The following NPHP3 variants were observed in gnomAD, a reference collection of about 807,000 sequenced individuals.
NPHP3 encodes nephrocystin 3.
In NPHP3, 123 loss-of-function variants were observed where a neutral mutation model predicts 171.9. That is an observed-to-expected ratio of 0.72 (90% CI 0.62 to 0.83). The LOEUF is 0.83. Ranked by LOEUF, NPHP3 falls within the 40% of genes least tolerant of loss-of-function variation. The pLI is 0.00. For synonymous variants in NPHP3, 558 were observed against 579.2 expected (o/e 0.96, Z 0.52); for missense variants, 1,506 against 1,591.9 (o/e 0.95, Z 0.92).
rs1341706285 is a variant in NPHP3, at chr3:132,705,787, C to T, written c.1303G>A (p.Glu435Lys). The change falls in exon 8 of 27, where the codon GAA becomes AAA. Residue 435 changes from glutamate to lysine, a missense_variant. Coordinates refer to ENST00000337331, the MANE Select transcript of NPHP3 (RefSeq NM_153240.5). ...CAAATATAAGTTTTATATACTCCTT[C>T]TGCAGGATCTCCTGAGTGATCAATG... ...KIIDHSGDPA[E>K]GVYKTYICVE... The T allele has an allele frequency of 6.6e-7, 1 of 1,511,276 alleles. No individual in the cohort carries two copies. The highest frequency in any genetic ancestry group is 1.1e-5 in the South Asian group (1 of 88,462). 93.6% of individuals were successfully genotyped at this position (1,511,276 alleles called of 1,614,324 possible).
intron 3 of NPHP3, 117 bp from the exon 4 acceptor site, chr3:132,717,026 C>T (rs987835420): frequency 6.7e-5 from 77 of 1,150,492 alleles, no homozygotes; most frequent in Non-Finnish European, 8.5e-5. Flanking sequence ...TACAAATATT[C>T]AAATGATTTT....
intron 21 of NPHP3, 114 bp downstream of exon 21, chr3:132,688,536 T>G: frequency 1.8e-6 from 2 of 1,124,112 alleles, no homozygotes; most frequent in South Asian, 1.2e-5. Context: ...ACATGAAGAC[T>G]AGGCACAGGG....
At chr3:132,710,346 T>TAA (rs78357959) in intron 6 of NPHP3, among the ~76,000 whole-genome samples, 3,531 of 127,502 alleles carry the variant, frequency 0.028, 139 homozygotes, top group African/African-American at 0.093. Flanking sequence ...GGTGATCTGG[T>TAA]AAAAAAAAAA....
chr3:132,722,152 C>T lies in NPHP3; in HGVS notation c.204G>A (p.Gly68=). ...TGGACTTGAAGCTGGCCCCCAGCAG[C>T]CCGCCCGCGCCCACCCCGCGGGGCA... ...GSLPRGVGAG[G]LLGASFKSTG... is the part of the protein sequence containing the mutation. Residue 68 remains glycine (G), a synonymous_variant, in exon 1 of 27, where the codon GGG becomes GGA. Coordinates refer to ENST00000337331, the MANE Select transcript of NPHP3 (RefSeq NM_153240.5). The T allele has an allele frequency of 1.9e-6, 3 of 1,585,358 alleles. No individual in the cohort carries two copies. Among genetic ancestry groups the T allele is most frequent in the Admixed American group, 1.7e-5 (1 of 58,172 alleles).
chr3:132,704,725 G>A (rs1316722247), intron 8 of NPHP3, among the ~76,000 whole-genome samples: 1 of 152,102 alleles, frequency 6.6e-6, no homozygotes, highest in East Asian at 1.9e-4. Flanking sequence ...TATGCTATAA[G>A]AATTGAATTA....
At position 132,682,797 on chromosome 3, in the gene NPHP3, G is replaced by A. The variant is rs749884297; in HGVS notation, c.3718C>T (p.Pro1240Ser). ...ATCTTTAATGCTCTTTCATATAATGGCAAAGCTTCAACGTGTTTTTTCTTA... is the reference window on the plus strand; with the variant it reads ...ATCTTTAATGCTCTTTCATATAATGACAAAGCTTCAACGTGTTTTTTCTTA... The part of the protein sequence containing the change: ...SQMKKHVEAL[P>S]LYERALKIYE... The change falls in exon 26 of 27, where the codon CCA (proline) becomes TCA (serine). Residue 1240 changes from proline (P) to serine (S), a missense_variant. By Grantham distance (74) the Pro-to-Ser change is moderately conservative. Coordinates refer to ENST00000337331, the MANE Select transcript of NPHP3 (RefSeq NM_153240.5). 6.2e-7 allele frequency: 1 copy of A among 1,610,052 alleles called. No homozygotes were observed. The highest frequency in any genetic ancestry group is 1.3e-5 in the African/African-American group (1 of 74,886).
intron 16 of NPHP3, 147 bp from the exon 17 acceptor site, chr3:132,692,965 T>C: frequency 1.4e-6 from 1 of 695,548 alleles, no homozygotes; most frequent in Non-Finnish European, 2.5e-6. Flanking sequence ...AACAGATTTA[T>C]TAAAACACAC....
intron 5 of NPHP3, 35 bp from the exon 6 acceptor site, chr3:132,713,321 T>C: frequency 2.1e-6 from 3 of 1,450,342 alleles, no homozygotes; most frequent in Non-Finnish European, 2.9e-6. Context: ...AAGTTTAATG[T>C]ATTTAACTAA....
chr3:132,684,837 A>G (rs1433469033), intron 23 of NPHP3, 43 bp from the exon 24 acceptor site: 1 of 1,604,774 alleles, frequency 6.2e-7, no homozygotes, highest in Non-Finnish European at 8.5e-7. Context: ...TCTATTTTCT[A>G]GAGTTTGGAA....
At chr3:132,692,108 A>C (rs1435796090) in intron 17 of NPHP3, among the ~76,000 whole-genome samples, 1 of 152,210 alleles carries the variant, frequency 6.6e-6, no homozygotes, top group Non-Finnish European at 1.5e-5. Flanking sequence ...ACAAATACTT[A>C]CAGTTACACA....
At chr3:132,686,095 C>A in intron 23 of NPHP3, 165 bp downstream of exon 23, 1 of 645,224 alleles carries the variant, frequency 1.5e-6, no homozygotes, top group Non-Finnish European at 2.7e-6. Flanking sequence ...GAGAAAATGC[C>A]ATGGTCTTTA....
chr3:132,701,816 A>G (rs1034189509), intron 9 of NPHP3, among the ~76,000 whole-genome samples: 1 of 152,142 alleles, frequency 6.6e-6, no homozygotes, highest in Non-Finnish European at 1.5e-5. Flanking sequence ...AGGTCAGGAG[A>G]TCGAGAACAT....
At chr3:132,686,466 A>G in intron 22 of NPHP3, 79 bp from the exon 23 acceptor site, 9 of 1,563,952 alleles carry the variant, frequency 5.8e-6, no homozygotes, top group Non-Finnish European at 7.9e-6. Flanking sequence ...TGAGGGTCCT[A>G]AAAAATCTTC....
Position 132,684,644 on chromosome 3 carries a change from T to C in NPHP3, c.3480A>G (p.Arg1160=), listed in dbSNP as rs1393705320. The C allele has an allele frequency of 6.2e-7, 1 of 1,613,962 alleles. No individual in the cohort carries two copies. Among genetic ancestry groups the C allele is most frequent in the African/African-American group, 1.3e-5 (1 of 74,916 alleles). ...QYDKAEELYE[R]ALDIRRRALA... is the part of the protein sequence containing the mutation. ...ATGCACGTCTCCGAATATCTAAAGCTCTTTCATAAAGTTCTTCTGCTTTAT... is the reference window on the plus strand; with the variant it reads ...ATGCACGTCTCCGAATATCTAAAGCCCTTTCATAAAGTTCTTCTGCTTTAT... The change falls in exon 24 of 27, where the codon AGA becomes AGG. Residue 1160 remains arginine, a synonymous_variant. Coordinates refer to ENST00000337331, the MANE Select transcript of NPHP3 (RefSeq NM_153240.5).
At chr3:132,693,042 C>A (rs1560004341) in intron 16 of NPHP3, 6 of 508,100 alleles carry the variant, frequency 1.2e-5, no homozygotes, top group African/African-American at 1.9e-5. Flanking sequence ...AAAGATAACA[C>A]TCTTACAGAA....
At chr3:132,717,054 G>T in intron 3 of NPHP3, 145 bp from the exon 4 acceptor site, 1 of 865,154 alleles carries the variant, frequency 1.2e-6, no homozygotes, top group Non-Finnish European at 1.8e-6. Context: ...CTTTGCCATC[G>T]ACTTTTGGCA....
intron 3 of NPHP3, among the ~76,000 whole-genome samples, chr3:132,718,667 G>C (rs575245658): frequency 6.6e-6 from 1 of 152,350 alleles, no homozygotes; most frequent in East Asian, 1.9e-4. Flanking sequence ...AAAGGAACGT[G>C]TTCTCCCCTT....
At chr3:132,693,641 A>T (rs1041759949) in intron 16 of NPHP3, 5 of 152,410 alleles carry the variant, frequency 3.3e-5, no homozygotes, top group African/African-American at 1.2e-4. Context: ...TGGGAGGCCA[A>T]AGTGGGCAGA....
At position 132,689,101 on chromosome 3, in the gene NPHP3, A is replaced by T; in HGVS notation, c.2856T>A (p.Phe952Leu). Residue 952 changes from phenylalanine to leucine, a missense_variant, in exon 20 of 27, where the codon TTT (phenylalanine) becomes TTA (leucine). Around this residue, in one of 3 missense-constraint regions of NPHP3, gnomAD observed 569 missense variants for 648.1 expected, o/e 0.88. Coordinates refer to ENST00000337331, the MANE Select transcript of NPHP3 (RefSeq NM_153240.5). ...GACTGAGAAGGCCTAGATCCTTGAG[A>T]AATCGCCCCAAGGTTTCATAAAGAT... is the stretch of plus-strand genomic sequence containing the variant. ...LADLYETLGR[F>L]LKDLGLLSQA... 6.2e-7 allele frequency: 1 copy of T among 1,614,152 alleles called. No individual in the cohort carries two copies. The highest frequency in any genetic ancestry group is 8.5e-7 in the Non-Finnish European group (1 of 1,179,992).
Sources: allele counts gnomAD v4.1 joint callset (sites outside exome capture counted in the v4.1 genomes callset), GRCh38; gene constraint gnomAD v4.1.1; regional missense constraint gnomAD v4.1.1; transcripts MANE v1.5; gene names NCBI Gene and HGNC (gene_info 2026-07-23, HGNC 2026-07-21).